The following CDH8 variants were observed in gnomAD, a reference collection of about 807,000 sequenced individuals.
CDH8 encodes cadherin 8.
Under a neutral mutation model 68.1 loss-of-function variants are expected in CDH8, and 17 were observed. The observed-to-expected ratio is 0.25, with a 90% CI of 0.17 to 0.37. CDH8 has a LOEUF of 0.37. Ranked by LOEUF, CDH8 falls within the 10% of genes least tolerant of loss-of-function variation. CDH8 has a pLI of 1.00. For synonymous variants in CDH8, 372 were observed against 365.1 expected (o/e 1.02, Z -0.21); for missense variants, 763 against 999.3 (o/e 0.76, Z 3.19).
chr16:62,015,018 AAC>A (rs138124538), intron 2 of CDH8, among the ~76,000 whole-genome samples: 8 of 150,354 alleles, frequency 5.3e-5, no homozygotes, highest in Admixed American at 1.3e-4. Flanking sequence ...CCCCACCACA[AAC>A]ACACACACAC....
intron 2 of CDH8, among the ~76,000 whole-genome samples, chr16:61,989,625 T>C (rs1965683993): frequency 6.6e-6 from 1 of 152,228 alleles, no homozygotes. Flanking sequence ...ATTGGTAATG[T>C]GTTCAGACTG....
chr16:61,893,101 G>A (rs549843921), intron 3 of CDH8, among the ~76,000 whole-genome samples: 3 of 152,190 alleles, frequency 2.0e-5, no homozygotes, highest in African/African-American at 7.2e-5. Context: ...AGTTCCCTCC[G>A]AAGGATCCTT....
intron 1 of CDH8, among the ~76,000 whole-genome samples, chr16:62,034,606 A>C (rs1567577440): frequency 6.6e-6 from 1 of 151,938 alleles, no homozygotes; most frequent in Non-Finnish European, 1.5e-5. Flanking sequence ...CCTCGTTCCC[A>C]TTGTCAGCCC....
At chr16:61,927,710 G>A (rs991332270) in intron 2 of CDH8, among the ~76,000 whole-genome samples, 23 of 152,300 alleles carry the variant, frequency 1.5e-4, no homozygotes, top group African/African-American at 4.8e-5. Flanking sequence ...CCCAGGCATC[G>A]TCAAACTCTG....
intron 4 of CDH8, among the ~76,000 whole-genome samples, chr16:61,847,488 A>C (rs977787027): frequency 2.7e-5 from 4 of 149,798 alleles, no homozygotes; most frequent in Non-Finnish European, 4.4e-5. Flanking sequence ...GGCTTAAAGA[A>C]AAGTGGTCTC....
chr16:61,749,627 C>T (rs368785960), intron 8 of CDH8, among the ~76,000 whole-genome samples: 39 of 152,120 alleles, frequency 2.6e-4, no homozygotes, highest in African/African-American at 9.4e-4. Flanking sequence ...TCAGGGGTGA[C>T]TGAAAGGCTT....
chr16:61,703,795 G>T (rs1286164278), intron 10 of CDH8, among the ~76,000 whole-genome samples: 1 of 152,088 alleles, frequency 6.6e-6, no homozygotes, highest in African/African-American at 2.4e-5. Context: ...AGCCGAGATC[G>T]TGCCACTGCA....
chr16:61,874,360 C>T (rs1320561397), intron 3 of CDH8, among the ~76,000 whole-genome samples: 1 of 151,928 alleles, frequency 6.6e-6, no homozygotes, highest in East Asian at 1.9e-4. Flanking sequence ...GAGATGGAGT[C>T]TCGCTCTATC....
intron 10 of CDH8, among the ~76,000 whole-genome samples, chr16:61,688,609 G>A (rs1335305130): frequency 6.6e-6 from 1 of 151,880 alleles, no homozygotes; most frequent in East Asian, 1.9e-4. Flanking sequence ...TTGAGTTTCT[G>A]CAGAATTACC....
At chr16:61,684,439 G>T (rs2142810584) in intron 10 of CDH8, among the ~76,000 whole-genome samples, 1 of 152,066 alleles carries the variant, frequency 6.6e-6, no homozygotes, top group East Asian at 1.9e-4. Context: ...AAAAAATCCA[G>T]ATAGAGCTTA....
chr16:61,899,043 T>TA (rs1179417882), intron 3 of CDH8, among the ~76,000 whole-genome samples: 7 of 152,266 alleles, frequency 4.6e-5, no homozygotes, highest in East Asian at 1.9e-4. Context: ...GTTTGTTACA[T>TA]AGGTATGCAC....
intron 2 of CDH8, among the ~76,000 whole-genome samples, chr16:61,958,870 T>C (rs1965030109): frequency 6.6e-6 from 1 of 152,182 alleles, no homozygotes; most frequent in Non-Finnish European, 1.5e-5. Context: ...CTCCCTGATC[T>C]GACCCTGACC....
intron 10 of CDH8, among the ~76,000 whole-genome samples, chr16:61,688,996 C>T (rs558812041): frequency 6.6e-6 from 1 of 152,122 alleles, no homozygotes; most frequent in South Asian, 2.1e-4. Flanking sequence ...ACCTATTTCA[C>T]CACCAAGCAA....
At chr16:61,966,626 T>G (rs754265605) in intron 2 of CDH8, among the ~76,000 whole-genome samples, 7 of 152,188 alleles carry the variant, frequency 4.6e-5, no homozygotes, top group Non-Finnish European at 1.0e-4. Flanking sequence ...TTCAACTATA[T>G]AATTAGCTTA....
intron 10 of CDH8, among the ~76,000 whole-genome samples, chr16:61,660,857 T>G (rs1435177670): frequency 6.6e-6 from 1 of 151,940 alleles, no homozygotes; most frequent in African/African-American, 2.4e-5. Context: ...AATAAAGATA[T>G]TCTCGGATGG....
chr16:61,657,903 A>C (rs1963479313), intron 10 of CDH8, among the ~76,000 whole-genome samples: 1 of 152,126 alleles, frequency 6.6e-6, no homozygotes, highest in Non-Finnish European at 1.5e-5. Flanking sequence ...TGGTGGGTCT[A>C]ACACTAAATT....
intron 10 of CDH8, among the ~76,000 whole-genome samples, chr16:61,659,279 CT>C (rs1963509429): frequency 6.6e-6 from 1 of 152,114 alleles, no homozygotes; most frequent in African/African-American, 2.4e-5. Context: ...TCGACTAGAG[CT>C]TGGTAAGAAT....
intron 2 of CDH8, among the ~76,000 whole-genome samples, chr16:61,956,132 A>C (rs1597088486): frequency 6.6e-6 from 1 of 152,194 alleles, no homozygotes; most frequent in South Asian, 2.1e-4. Flanking sequence ...ACTTAGTAAT[A>C]AGACAAAGAG....
chr16:61,688,251 T>G (rs191625816), intron 10 of CDH8, among the ~76,000 whole-genome samples: 102 of 152,092 alleles, frequency 6.7e-4, no homozygotes, highest in Admixed American at 1.9e-3. Context: ...TAATTTACAT[T>G]CTGTTATTTC....
Sources: allele counts gnomAD v4.1 joint callset (sites outside exome capture counted in the v4.1 genomes callset), GRCh38; gene constraint gnomAD v4.1.1; transcripts MANE v1.5; gene names NCBI Gene and HGNC (gene_info 2026-07-23, HGNC 2026-07-21).